The following NRDC variants were observed in gnomAD, a reference collection of about 807,000 sequenced individuals.
NRDC encodes the protein nardilysin convertase.
In NRDC, 54 loss-of-function variants were observed where a neutral mutation model predicts 147.1. The ratio of observed to expected loss-of-function variants is 0.37; its 90% CI spans 0.29 to 0.46. The LOEUF (loss-of-function observed/expected upper bound fraction) is 0.46. Among genes scored for constraint, NRDC ranks in the 20% least tolerant of loss-of-function variants. NRDC has a pLI of 1.00. For synonymous variants in NRDC, 440 were observed against 482.1 expected, an observed-to-expected ratio of 0.91 and a Z score of 1.14; for missense variants, 1,082 against 1,370.6, an observed-to-expected ratio of 0.79 and a Z score of 3.33.
intron 1 of NRDC, among the ~76,000 whole-genome samples, chr1:51,852,016 G>A (rs1033966396): frequency 2.0e-5 from 3 of 152,132 alleles, no homozygotes; most frequent in Non-Finnish European, 2.9e-5. Flanking sequence ...TGTGAGGGGG[G>A]CAGCCTACAG....
Position 51,812,047 on chromosome 1 carries a change from G to T in NRDC, c.1726C>A (p.Pro576Thr). The T allele has an allele frequency of 6.2e-7, 1 of 1,613,934 alleles. No individual in the cohort carries two copies. The highest frequency in any genetic ancestry group is 8.5e-7 in the Non-Finnish European group (1 of 1,179,908). The change falls in exon 15 of 31, where the codon CCA (proline) becomes ACA (threonine). Residue 576 changes from proline (P) to threonine (T), a missense_variant. Pro to Thr is a conservative substitution (Grantham distance 38). Coordinates refer to ENST00000352171, the MANE Select transcript of NRDC (RefSeq NM_001101662.2). ...TCTCCAGTGAGAATGTCCTGCAATG[G>T]GTACAGCTGCATGTTCTCACACATG... is the stretch of plus-strand genomic sequence containing the variant. ...ENMCENMQLY[P>T]LQDILTGDQL... is the part of the protein sequence containing the mutation.
chr1:51,803,345 C>T (rs773750123), intron 20 of NRDC, among the ~76,000 whole-genome samples: 5 of 151,902 alleles, frequency 3.3e-5, no homozygotes, highest in Non-Finnish European at 5.9e-5. Flanking sequence ...TGTGGTGGTG[C>T]GTGCCTGTAG....
At chr1:51,814,647 T>G in intron 12 of NRDC, 38 bp from the exon 13 acceptor site, 1 of 1,608,058 alleles carries the variant, frequency 6.2e-7, no homozygotes, top group East Asian at 2.2e-5. Context: ...TTGCATAAAG[T>G]GATATCTACG....
Position 51,810,414 on chromosome 1 carries a change from T to C in NRDC, c.1780-10A>G. On this transcript the variant is annotated splice_polypyrimidine_tract_variant and intron_variant, in intron 15 of 30. Coordinates refer to ENST00000352171, the MANE Select transcript of NRDC (RefSeq NM_001101662.2). ...AGGCTTCACCAATGACCTAGTAAAGTGGGAAGAGGGGAAAGAGATACACAC... is the reference window on the plus strand; with the variant it reads ...AGGCTTCACCAATGACCTAGTAAAGCGGGAAGAGGGGAAAGAGATACACAC... The C allele has an allele frequency of 6.2e-7, 1 of 1,607,556 alleles. No individual in the cohort carries two copies. Among genetic ancestry groups the C allele is most frequent in the Non-Finnish European group, 8.5e-7 (1 of 1,177,478 alleles).
chr1:51,858,723 T>G (rs571970006), intron 1 of NRDC, among the ~76,000 whole-genome samples: 1 of 152,282 alleles, frequency 6.6e-6, no homozygotes, highest in East Asian at 1.9e-4. Flanking sequence ...CCATCTACCC[T>G]GAACTCAGTA....
At chr1:51,839,683 T>A (rs559738121) in intron 2 of NRDC, among the ~76,000 whole-genome samples, 1 of 152,192 alleles carries the variant, frequency 6.6e-6, no homozygotes, top group Non-Finnish European at 1.5e-5. Flanking sequence ...AAGTACTTAT[T>A]TGTCCAGACC....
chr1:51,811,892 T>C (rs1679736896), intron 15 of NRDC, 102 bp downstream of exon 15: 5 of 670,574 alleles, frequency 7.5e-6, no homozygotes, highest in Non-Finnish European at 1.3e-5. Flanking sequence ...TGACTAAATA[T>C]AACTAAGTTT....
chr1:51,803,870 C>A lies in NRDC; in HGVS notation c.2257G>T (p.Val753Leu). ...ATAATTAAACCATGTTCTCCAGCTACCAGTTTATACTCCAGCTGTGCCACA... is the reference window on the plus strand; with the variant it reads ...ATAATTAAACCATGTTCTCCAGCTAACAGTTTATACTCCAGCTGTGCCACA... ...ADVAQLEYKL[V>L]AGEHGLIIRV... Residue 753 changes from valine (V) to leucine (L), a missense_variant, in exon 20 of 31, where the codon GTA (valine) becomes TTA (leucine). Coordinates refer to ENST00000352171, the MANE Select transcript of NRDC (RefSeq NM_001101662.2). The A allele has an allele frequency of 6.2e-7, 1 of 1,613,844 alleles. No individual in the cohort carries two copies. The highest frequency in any genetic ancestry group is 8.5e-7 in the Non-Finnish European group (1 of 1,179,824).
At chr1:51,847,108 T>A (rs1173263588) in intron 1 of NRDC, among the ~76,000 whole-genome samples, 1 of 151,766 alleles carries the variant, frequency 6.6e-6, no homozygotes, top group Non-Finnish European at 1.5e-5. Flanking sequence ...AGACACAGAG[T>A]GCAGATTGGT....
At chr1:51,796,747 C>T (rs1678937303) in intron 22 of NRDC, among the ~76,000 whole-genome samples, 1 of 151,168 alleles carries the variant, frequency 6.6e-6, no homozygotes. Context: ...GCCACCAAGC[C>T]CGGCTAATTT....
intron 14 of NRDC, among the ~76,000 whole-genome samples, chr1:51,812,300 G>C (rs1679761442): frequency 6.6e-6 from 1 of 152,172 alleles, no homozygotes; most frequent in Non-Finnish European, 1.5e-5. Flanking sequence ...CCCAGCATTT[G>C]GGAGACAGAG....
chr1:51,803,028 T>C (rs1287315687), intron 20 of NRDC, among the ~76,000 whole-genome samples: 1 of 152,158 alleles, frequency 6.6e-6, no homozygotes, highest in African/African-American at 2.4e-5. Flanking sequence ...AAGAGATTAA[T>C]AACTGACATG....
At chr1:51,791,684 A>G (rs370983317) in intron 26 of NRDC, 23 bp from the exon 27 acceptor site, 140 of 1,576,454 alleles carry the variant, frequency 8.9e-5, no homozygotes, top group Non-Finnish European at 1.2e-4. Context: ...GAGAAAAGTT[A>G]TATGAGCTCA....
At position 51,806,777 on chromosome 1, in the gene NRDC, G is replaced by C; in HGVS notation, c.2110+17C>G. 6.2e-7 allele frequency: 1 copy of C among 1,610,744 alleles called. No homozygotes were observed. The highest frequency in any genetic ancestry group is 1.3e-5 in the African/African-American group (1 of 74,878). On this transcript the variant is annotated intron_variant, in intron 18 of 30. Coordinates refer to ENST00000352171, the MANE Select transcript of NRDC (RefSeq NM_001101662.2). ...ACTGGAATTCAGCAGGGAAGTAACA[G>C]GAGGGCAACATTTTACCTTTGGGGA...
chr1:51,799,952 G>A (rs1345603247), intron 21 of NRDC, among the ~76,000 whole-genome samples: 1 of 152,154 alleles, frequency 6.6e-6, no homozygotes, highest in African/African-American at 2.4e-5. Flanking sequence ...AAAATCACCA[G>A]TAAATACTTC....
At chr1:51,849,980 A>C (rs1444838101) in intron 1 of NRDC, among the ~76,000 whole-genome samples, 1 of 150,936 alleles carries the variant, frequency 6.6e-6, no homozygotes, top group East Asian at 1.9e-4. Flanking sequence ...GGAGTTCATG[A>C]TCAGCCTGCC....
chr1:51,798,332 G>A lies in NRDC; in HGVS notation c.2521C>T (p.Leu841Phe), dbSNP rs1679028919. 2 of 1,614,108 alleles carry A rather than the reference G, an allele frequency of 1.2e-6. No individual in the cohort carries two copies. The highest frequency in any genetic ancestry group is 8.5e-7 in the Non-Finnish European group (1 of 1,179,980). Residue 841 changes from leucine (L) to phenylalanine (F), a missense_variant, in exon 22 of 31, where the codon CTT (leucine) becomes TTT (phenylalanine). Physicochemically the swap from Leu to Phe is conservative, Grantham distance 22 (BLOSUM62 0). Coordinates refer to ENST00000352171, the MANE Select transcript of NRDC (RefSeq NM_001101662.2). ...KYQALMDGLS[L>F]ESLLSFVKEF... ...TTGACGAAGCTCAGCAGAGACTCAA[G>A]GGAAAGGCCGTCCATCAAAGCCTGG...
chr1:51,798,183 G>A, intron 22 of NRDC, 66 bp downstream of exon 22: 2 of 1,520,174 alleles, frequency 1.3e-6, no homozygotes, highest in Non-Finnish European at 9.1e-7. Context: ...CTTTAGGAAA[G>A]AACTATGGCA....
intron 22 of NRDC, 106 bp from the exon 23 acceptor site, chr1:51,794,960 T>A: frequency 6.4e-7 from 1 of 1,569,764 alleles, no homozygotes; most frequent in South Asian, 1.2e-5. Context: ...TGCATAGCTT[T>A]AGGAAAGCAG....
Sources: allele counts gnomAD v4.1 joint callset (sites outside exome capture counted in the v4.1 genomes callset), GRCh38; gene constraint gnomAD v4.1.1; transcripts MANE v1.5; gene names NCBI Gene and HGNC (gene_info 2026-07-23, HGNC 2026-07-21).